SYNE2: variants seen among roughly 807,000 people sequenced by gnomAD.
The protein encoded by SYNE2 is nesprin-2.
In SYNE2, 431 loss-of-function variants were observed where a neutral mutation model predicts 856.3. The observed-to-expected ratio is 0.50, with a 90% CI of 0.47 to 0.55. The LOEUF (loss-of-function observed/expected upper bound fraction) is 0.55, where lower values mean the gene tolerates loss of function less well. Among genes scored for constraint, SYNE2 ranks in the 20% least tolerant of loss-of-function variants. The pLI, the probability that SYNE2 is intolerant of heterozygous loss-of-function variation, is 0.00. For synonymous variants in SYNE2, 2,923 were observed against 2,872.3 expected (o/e 1.02, Z -0.56); for missense variants, 8,129 against 8,023.2 (o/e 1.01, Z -0.50).
At chr14:64,041,432 G>A (rs1282047273) in intron 45 of SYNE2, among the ~76,000 whole-genome samples, 2 of 152,072 alleles carry the variant, frequency 1.3e-5, no homozygotes, top group African/African-American at 4.8e-5. Context: ...GTAACTATTA[G>A]AAGATTAATA....
intron 2 of SYNE2, among the ~76,000 whole-genome samples, chr14:63,932,789 G>A (rs2095780441): frequency 6.6e-6 from 1 of 152,216 alleles, no homozygotes; most frequent in Non-Finnish European, 1.5e-5. Flanking sequence ...CATGTGCTGG[G>A]TGCCGGCGTT....
In SYNE2 at chr14:64,029,614, A is replaced by C. The variant is rs145192134; in HGVS notation, c.6715-281A>C. On this transcript the variant is annotated intron_variant, in intron 43 of 115. Coordinates refer to ENST00000555002, the MANE Select transcript of SYNE2 (RefSeq NM_182914.3). ...ATACAATTTGTAGCTATTTCATTTT[A>C]TAAACATCTTGACAAATAAATTATC... 3.1e-4 allele frequency among the ~76,000 whole-genome samples: 47 copies of C among 152,352 alleles called. 1 individual carries two copies. In the East Asian group the frequency reaches 9.1e-3, roughly 29 times the overall value.
At chr14:63,878,877 G>GA (rs1342193871) in intron 1 of SYNE2, among the ~76,000 whole-genome samples, 3 of 152,062 alleles carry the variant, frequency 2.0e-5, no homozygotes, top group East Asian at 1.9e-4. Flanking sequence ...GATCAAAAAA[G>GA]AAAAAAATCT....
Position 64,053,531 on chromosome 14 carries a change from T to C in SYNE2, c.9618T>C (p.Ile3206=), listed in dbSNP as rs374756957. 1.2e-5 allele frequency: 19 copies of C among 1,614,148 alleles called. No homozygotes were observed. The highest frequency in any genetic ancestry group is 1.7e-5 in the Admixed American group (1 of 60,008). The part of the protein sequence containing the change: ...QEQVWAEMCS[I]KAVTAIEKQR... ...AAGTTTGGGCAGAAATGTGTAGTAT[T>C]AAAGCTGTGACTGCTATTGAGAAAC... is the stretch of plus-strand genomic sequence containing the variant. Residue 3206 remains isoleucine (I), a synonymous_variant, in exon 48 of 116, where the codon ATT becomes ATC. Transcript: ENST00000555002.
chr14:63,851,938 G>T (rs1388134613), upstream of SYNE2, among the ~76,000 whole-genome samples: 1 of 134,264 alleles, frequency 7.4e-6, no homozygotes, highest in African/African-American at 2.8e-5. Context: ...AAAAATTACC[G>T]GTGTGGTGTC....
At chr14:64,081,791 T>C (rs906908209) in intron 57 of SYNE2, among the ~76,000 whole-genome samples, 3 of 152,172 alleles carry the variant, frequency 2.0e-5, no homozygotes, top group African/African-American at 7.2e-5. Context: ...ATAACTACTT[T>C]ATGACTTTTT....
At chr14:63,948,806 A>G (rs187398757) in intron 6 of SYNE2, among the ~76,000 whole-genome samples, 2,732 of 102,722 alleles carry the variant, frequency 0.027, 159 homozygotes, top group South Asian at 0.049. Context: ...ATATATATAT[A>G]TATATATATA....
At position 64,210,066 on chromosome 14, in the gene SYNE2, G is replaced by A. The variant is rs748714247; in HGVS notation, c.18665G>A (p.Gly6222Asp). Residue 6222 changes from glycine (G) to aspartate (D), a missense_variant, in exon 103 of 116, where the codon GGC (glycine) becomes GAC (aspartate). Physicochemically the swap from Gly to Asp is moderately conservative, Grantham distance 94. Around this residue, in one of 3 missense-constraint regions of SYNE2, gnomAD observed 5,410 missense variants for 5,284.8 expected, o/e 1.02. Coordinates refer to ENST00000555002, the MANE Select transcript of SYNE2 (RefSeq NM_182914.3). ...AGGCTGAAGCAGATGGTCCACGAGG[G>A]CAACCAGCGCTGGGACAACCTTCAG... ...ASRLKQMVHE[G>D]NQRWDNLQRR... 13 of 1,613,966 alleles carry A rather than the reference G, an allele frequency of 8.1e-6. No homozygotes were observed. In the East Asian group the frequency reaches 1.1e-4, roughly 14 times the overall value.
At chr14:64,131,297 C>T (rs1295761468) in intron 76 of SYNE2, among the ~76,000 whole-genome samples, 1 of 152,118 alleles carries the variant, frequency 6.6e-6, no homozygotes, top group Non-Finnish European at 1.5e-5. Context: ...TGGAGGGATC[C>T]CTCCAGACAA....
intron 1 of SYNE2, among the ~76,000 whole-genome samples, chr14:63,763,531 G>A (rs960011394): frequency 1.3e-5 from 2 of 152,022 alleles, no homozygotes; most frequent in African/African-American, 2.4e-5. Context: ...GTAACATGGC[G>A]AGACCCTGTC....
rs1234990887 is a variant in SYNE2, at chr14:63,967,742, G to A, written c.1024G>A (p.Glu342Lys). Residue 342 changes from glutamate (E) to lysine (K), a missense_variant, in exon 11 of 116, where the codon GAA (glutamate) becomes AAA (lysine). Coordinates refer to ENST00000555002, the MANE Select transcript of SYNE2 (RefSeq NM_182914.3). The stretch of plus-strand genomic sequence containing the variant: ...GTCCTTTATGGAGTCATTCAATGAA[G>A]AAAAAAAGTCCTTTTTGGATGTCCT... ...LLSFMESFNEEKKSFLDVLSI... is the reference protein window; with the variant it reads ...LLSFMESFNEKKKSFLDVLSI... 2 of 1,614,014 alleles carry A rather than the reference G, an allele frequency of 1.2e-6. No individual in the cohort carries two copies. The highest frequency in any genetic ancestry group is 2.7e-5 in the African/African-American group (2 of 75,024).
intron 100 of SYNE2, 103 bp downstream of exon 100, chr14:64,203,066 C>G (rs150923382): frequency 1.4e-6 from 2 of 1,451,598 alleles, no homozygotes; most frequent in Non-Finnish European, 1.9e-6. Flanking sequence ...GCTCACATTC[C>G]ATAACATTGG....
rs562308714 is a variant in SYNE2 at position 63,767,913 on chromosome 14, G to A, written c.-305+5927G>A. On this transcript the variant is annotated intron_variant, in intron 1 of 23. Transcript: ENST00000674003. ...GGGATATATGAAAGCCATTGTGTAA[G>A]CTGGGCACAGTAGCTCACGCCTGTA... Among the ~76,000 whole-genome samples, 37 of 152,252 alleles carry A rather than the reference G, an allele frequency of 2.4e-4. 2 individuals are homozygous for A. The South Asian group carries it at 7.7e-3, about 32-fold the overall frequency.
intron 1 of SYNE2, among the ~76,000 whole-genome samples, chr14:63,807,220 C>T (rs931652522): frequency 3.3e-5 from 5 of 151,880 alleles, no homozygotes; most frequent in East Asian, 3.9e-4. Flanking sequence ...TGCCTGTAGT[C>T]CCAGCTAGCT....
At chr14:64,143,703 A>G (rs574259235) in intron 82 of SYNE2, 69 bp from the exon 83 acceptor site, 2 of 1,564,266 alleles carry the variant, frequency 1.3e-6, no homozygotes, top group Non-Finnish European at 1.8e-6. Context: ...CCTCGAGCAC[A>G]TAAAGGGAAA....
chr14:64,211,192 T>C (rs535202737), intron 103 of SYNE2, among the ~76,000 whole-genome samples: 1 of 152,360 alleles, frequency 6.6e-6, no homozygotes, highest in African/African-American at 2.4e-5. Context: ...TTGCCCAGGC[T>C]GGTCTCAAAC....
rs375246083 is a variant in SYNE2, at chr14:64,170,367, C to T, written c.17140C>T (p.Arg5714Cys). The stretch of plus-strand genomic sequence containing the variant: ...CACTACTTCTGTGGAGAACTTGTTT[C>T]GCTTCCTCACTGACACCAGCCACCT... The part of the protein sequence containing the change: ...DFTTSVENLF[R>C]FLTDTSHLLS... Residue 5714 changes from arginine (R) to cysteine (C), a missense_variant, in exon 94 of 116, where the codon CGC becomes TGC. Physicochemically the swap from Arg to Cys is radical, Grantham distance 180 (BLOSUM62 -3). Transcript: ENST00000555002. 1.6e-5 allele frequency: 26 copies of T among 1,614,010 alleles called. No homozygotes were observed. The highest frequency in any genetic ancestry group is 1.5e-4 in the Admixed American group (9 of 60,000).
At chr14:64,065,035 T>G (rs561603150) in intron 50 of SYNE2, among the ~76,000 whole-genome samples, 3 of 152,000 alleles carry the variant, frequency 2.0e-5, no homozygotes, top group Non-Finnish European at 2.9e-5. Context: ...CAGCTAAATT[T>G]TGTGTTTTTA....
chr14:63,942,883 G>A (rs2095945117), intron 6 of SYNE2, among the ~76,000 whole-genome samples: 1 of 151,898 alleles, frequency 6.6e-6, no homozygotes, highest in Admixed American at 6.6e-5. Flanking sequence ...TGCCTGCCTC[G>A]ACCTCCCAAA....
Sources: allele counts gnomAD v4.1 joint callset (sites outside exome capture counted in the v4.1 genomes callset), GRCh38; gene constraint gnomAD v4.1.1; regional missense constraint gnomAD v4.1.1; transcripts MANE v1.5; gene names NCBI Gene and HGNC (gene_info 2026-07-23, HGNC 2026-07-21).